IQCE: variants seen among roughly 807,000 people sequenced by gnomAD.
IQCE encodes the protein IQ motif containing E.
A neutral mutation model predicts 96.0 loss-of-function variants in IQCE; 115 were observed. That is an observed-to-expected ratio of 1.20 (90% CI 1.03 to 1.40). The LOEUF (loss-of-function observed/expected upper bound fraction) is 1.40. Among genes scored for constraint, IQCE ranks in the 40% most tolerant of loss-of-function variants. The pLI is 0.00. For missense variants in IQCE, 1,041 were observed against 909.1 expected (o/e 1.15, Z -1.87); for synonymous variants, 412 against 371.2 (o/e 1.11, Z -1.26).
At chr7:2,582,150 G>A (rs1004185574) in intron 8 of IQCE, 97 of 445,226 alleles carry the variant, frequency 2.2e-4, no homozygotes, top group African/African-American at 6.5e-4. Flanking sequence ...CTACGGCCGC[G>A]CTGTCTCCCA....
At position 2,597,628 on chromosome 7, in the gene IQCE, G is replaced by GGAT. The variant is rs541851057; in HGVS notation, c.1441-833_1441-831dup. ...TCATTTGTATTGGGTAGTGTCCTATGGATGATACATTTGGAGTCATCAGTG... is the reference window on the plus strand; with the variant it reads ...TCATTTGTATTGGGTAGTGTCCTATGGATGATGATACATTTGGAGTCATCAGTG... On this transcript the variant is annotated intron_variant, in intron 16 of 21. Transcript: ENST00000402050. Among the ~76,000 whole-genome samples the GGAT allele has an allele frequency of 3.0e-3, 455 of 152,302 alleles. 1 individual carries two copies. The highest frequency in any genetic ancestry group is 0.01 in the African/African-American group (427 of 41,562).
intron 1 of IQCE, among the ~76,000 whole-genome samples, chr7:2,561,560 A>G (rs1463702491): frequency 6.6e-6 from 1 of 151,700 alleles, no homozygotes. Flanking sequence ...AGCTGAGACT[A>G]CAGGCGCCCG....
intron 2 of IQCE, among the ~76,000 whole-genome samples, chr7:2,568,303 T>G (rs917270589): frequency 6.6e-6 from 1 of 152,208 alleles, no homozygotes; most frequent in Non-Finnish European, 1.5e-5. Context: ...ATAAATGAAT[T>G]TTGTGTTTAG....
At chr7:2,570,861 A>G (rs1781704500) in intron 3 of IQCE, among the ~76,000 whole-genome samples, 1 of 152,212 alleles carries the variant, frequency 6.6e-6, no homozygotes, top group Non-Finnish European at 1.5e-5. Context: ...GTCACTATGT[A>G]GTGACATTAA....
chr7:2,573,435 C>G lies in IQCE; in HGVS notation c.412C>G (p.Pro138Ala). Residue 138 changes from proline to alanine, a missense_variant, in exon 6 of 22, where the codon CCT becomes GCT. Physicochemically the swap from Pro to Ala is conservative, Grantham distance 27. Transcript: ENST00000402050. The stretch of plus-strand genomic sequence containing the variant: ...TTCTCTAGGTCATGTCCCTGGGACT[C>G]CTGTCTACAGAGAAAAAGAAGATAT... ...SASNGHVPGT[P>A]VYREKEDMYD... The G allele has an allele frequency of 1.3e-6, 2 of 1,516,024 alleles. No individual in the cohort carries two copies. Among genetic ancestry groups the G allele is most frequent in the South Asian group, 1.1e-5 (1 of 88,458 alleles). The allele number at this position is 1,516,024 out of a possible 1,614,324, so 93.9% of individuals were successfully genotyped here. A position where few individuals can be genotyped will look rare whatever the true frequency, so the allele number is the denominator to read the frequency against.
At chr7:2,593,234 A>G in intron 15 of IQCE, 108 bp downstream of exon 15, 2 of 1,450,780 alleles carry the variant, frequency 1.4e-6, no homozygotes, top group Non-Finnish European at 1.8e-6. Context: ...GCTTCTTAGA[A>G]AGGCCACACC....
chr7:2,584,694 A>C (rs1246972265), intron 11 of IQCE: 2 of 189,944 alleles, frequency 1.1e-5, no homozygotes, highest in Non-Finnish European at 2.2e-5. Flanking sequence ...TGTCTGGTAG[A>C]TCTCCCACAT....
At chr7:2,592,629 G>A (rs1037565581) in intron 14 of IQCE, among the ~76,000 whole-genome samples, 4 of 152,234 alleles carry the variant, frequency 2.6e-5, no homozygotes, top group Admixed American at 6.5e-5. Context: ...CTGGAGCCCC[G>A]CACAGGCAGT....
intron 1 of IQCE, among the ~76,000 whole-genome samples, chr7:2,560,320 G>C (rs1234775208): frequency 1.3e-5 from 2 of 152,286 alleles, no homozygotes; most frequent in African/African-American, 4.8e-5. Context: ...CTGACTATGG[G>C]GAGTCCTGCT....
At chr7:2,559,389 C>T (rs1780746971) in intron 1 of IQCE, 172 bp downstream of exon 1, 1 of 328,014 alleles carries the variant, frequency 3.0e-6, no homozygotes. Flanking sequence ...CGCTGCAGGC[C>T]CCGCGCCGCC....
At chr7:2,593,338 CAG>C (rs1783763147) in intron 15 of IQCE, among the ~76,000 whole-genome samples, 1 of 152,268 alleles carries the variant, frequency 6.6e-6, no homozygotes, top group African/African-American at 2.4e-5. Flanking sequence ...GGCCACCTCT[CAG>C]GGGCGTCCTC....
At chr7:2,607,839 G>A (rs1784941442) in intron 21 of IQCE, among the ~76,000 whole-genome samples, 1 of 152,226 alleles carries the variant, frequency 6.6e-6, no homozygotes. Context: ...GACACCTCCT[G>A]TAAAGGGAAG....
At chr7:2,607,400 G>A in intron 21 of IQCE, 173 bp downstream of exon 21, 2 of 1,368,696 alleles carry the variant, frequency 1.5e-6, no homozygotes, top group Non-Finnish European at 1.9e-6. Context: ...CCCACAACAG[G>A]GCCCCGCCTT....
chr7:2,606,562 G>T (rs547001064), intron 20 of IQCE, among the ~76,000 whole-genome samples: 4 of 152,250 alleles, frequency 2.6e-5, no homozygotes, highest in Non-Finnish European at 5.9e-5. Context: ...GCTTCACCCC[G>T]CATGGGGTTT....
intron 15 of IQCE, among the ~76,000 whole-genome samples, chr7:2,593,396 A>G (rs1251788176): frequency 1.3e-5 from 2 of 152,180 alleles, no homozygotes; most frequent in Non-Finnish European, 2.9e-5. Flanking sequence ...CAGCTGTCAC[A>G]CTGGCCTCTG....
intron 1 of IQCE, among the ~76,000 whole-genome samples, chr7:2,559,765 T>TGGGGGGGGGGGGGG (rs59372092): frequency 2.9e-5 from 1 of 34,842 alleles, no homozygotes; most frequent in Non-Finnish European, 7.4e-5. Context: ...TGCATTCCAG[T>TGGGGGGGGGGGGGG]GGGGGGGGGG....
intron 19 of IQCE, among the ~76,000 whole-genome samples, chr7:2,605,356 C>A (rs965605645): frequency 2.0e-5 from 3 of 152,122 alleles, no homozygotes; most frequent in Non-Finnish European, 4.4e-5. Flanking sequence ...CGCGGTGGCT[C>A]ACACCTGTAA....
chr7:2,602,827 T>G (rs1784525594), intron 18 of IQCE, among the ~76,000 whole-genome samples: 1 of 152,224 alleles, frequency 6.6e-6, no homozygotes, highest in Non-Finnish European at 1.5e-5. Context: ...TGGTCGCGGG[T>G]GTGGGCGGCA....
chr7:2,572,817 T>G (rs1253974387), intron 5 of IQCE: 4 of 446,956 alleles, frequency 8.9e-6, no homozygotes, highest in Non-Finnish European at 1.8e-5. Context: ...ATCCTGGGAT[T>G]ACAGGCATGA....
Sources: allele counts gnomAD v4.1 joint callset (sites outside exome capture counted in the v4.1 genomes callset), GRCh38; gene constraint gnomAD v4.1.1; transcripts MANE v1.5; gene names NCBI Gene and HGNC (gene_info 2026-07-23, HGNC 2026-07-21).